DAB1: variants seen among roughly 807,000 people sequenced by gnomAD.
DAB1 encodes DAB adaptor protein 1, also known as disabled homolog 1.
In DAB1, 15 loss-of-function variants were observed where a neutral mutation model predicts 64.6. The ratio of observed to expected loss-of-function variants is 0.23; its 90% confidence interval spans 0.16 to 0.36. The LOEUF is 0.36. Ranked by LOEUF, DAB1 falls within the 10% of genes least tolerant of loss-of-function variation. The probability of loss-of-function intolerance (pLI) is 1.00; values close to 1 mark genes in which losing one functional copy is unlikely to be tolerated. For synonymous variants in DAB1, 235 were observed against 251.9 expected (o/e 0.93, Z 0.64); for missense variants, 596 against 706.7 (o/e 0.84, Z 1.78).
At chr1:58,510,033 C>A (rs904657753) in intron 2 of DAB1, among the ~76,000 whole-genome samples, 1 of 152,004 alleles carries the variant, frequency 6.6e-6, no homozygotes, top group Non-Finnish European at 1.5e-5. Flanking sequence ...ACCAGATGAC[C>A]TCACTGGTGA....
intron 5 of DAB1, among the ~76,000 whole-genome samples, chr1:58,044,345 T>C (rs368785550): frequency 1.1e-4 from 17 of 152,168 alleles, no homozygotes; most frequent in African/African-American, 3.9e-4. Context: ...TGGTACCACC[T>C]TTTTTCCCTA....
intron 7 of DAB1, among the ~76,000 whole-genome samples, chr1:57,460,195 G>A (rs147547208): frequency 6.6e-6 from 1 of 152,190 alleles, no homozygotes; most frequent in Non-Finnish European, 1.5e-5. Context: ...CTCATTCAGG[G>A]CACACAGTAT....
intron 7 of DAB1, among the ~76,000 whole-genome samples, chr1:57,527,459 G>A (rs1284501212): frequency 2.0e-5 from 3 of 152,162 alleles, no homozygotes; most frequent in Non-Finnish European, 4.4e-5. Context: ...AGCAACTGAA[G>A]TTTAGATAAG....
intron 3 of DAB1, among the ~76,000 whole-genome samples, chr1:58,460,923 A>T (rs980778540): frequency 1.3e-5 from 2 of 152,058 alleles, no homozygotes; most frequent in East Asian, 3.9e-4. Flanking sequence ...CACCCATGAC[A>T]CTCTCACTCC....
intron 6 of DAB1, among the ~76,000 whole-genome samples, chr1:57,685,651 A>C (rs576595965): frequency 6.6e-6 from 1 of 152,182 alleles, no homozygotes; most frequent in African/African-American, 2.4e-5. Context: ...ATTGACCACA[A>C]ACTTGGTCAT....
chr1:57,130,726 A>G (rs1657579544), intron 4 of DAB1, among the ~76,000 whole-genome samples: 1 of 144,388 alleles, frequency 6.9e-6, no homozygotes, highest in African/African-American at 2.5e-5. Flanking sequence ...AATGGTGGTT[A>G]TCAGAGGGAG....
At chr1:58,338,329 T>C (rs895808366) in intron 4 of DAB1, among the ~76,000 whole-genome samples, 3 of 151,958 alleles carry the variant, frequency 2.0e-5, no homozygotes, top group Non-Finnish European at 4.4e-5. Flanking sequence ...CACTTCCACC[T>C]CACTCTTCCT....
intron 5 of DAB1, among the ~76,000 whole-genome samples, chr1:58,097,412 T>C (rs546506237): frequency 1.3e-5 from 2 of 152,320 alleles, no homozygotes; most frequent in South Asian, 4.1e-4. Context: ...AATTTTAAGA[T>C]GATGGTTTAA....
intron 5 of DAB1, among the ~76,000 whole-genome samples, chr1:57,946,604 G>T (rs1645187296): frequency 6.6e-6 from 1 of 152,116 alleles, no homozygotes; most frequent in Non-Finnish European, 1.5e-5. Context: ...TAGAAAGAGG[G>T]GATGCGGTCT....
intron 3 of DAB1, among the ~76,000 whole-genome samples, chr1:58,421,176 C>A (rs954968141): frequency 6.6e-6 from 1 of 152,180 alleles, no homozygotes; most frequent in African/African-American, 2.4e-5. Flanking sequence ...TCTATTATCA[C>A]CATCATCGTA....
intron 2 of DAB1, among the ~76,000 whole-genome samples, chr1:57,221,358 G>A (rs1367199628): frequency 6.6e-6 from 1 of 151,504 alleles, no homozygotes; most frequent in African/African-American, 2.4e-5. Context: ...TAACAAACTT[G>A]CACGTTGTGC....
At chr1:57,273,680 T>C (rs890304479) in intron 2 of DAB1, among the ~76,000 whole-genome samples, 1 of 145,808 alleles carries the variant, frequency 6.9e-6, no homozygotes, top group Non-Finnish European at 1.5e-5. Context: ...ACATGCATTG[T>C]GGTCTGATGG....
At chr1:57,860,228 C>T (rs921425767) in intron 1 of DAB1, among the ~76,000 whole-genome samples, 2 of 152,154 alleles carry the variant, frequency 1.3e-5, no homozygotes, top group African/African-American at 4.8e-5. Context: ...TGAATGCCTA[C>T]TTAGTATGAA....
intron 7 of DAB1, among the ~76,000 whole-genome samples, chr1:57,625,298 C>T (rs72908597): frequency 0.019 from 2,947 of 152,084 alleles, 101 homozygotes; most frequent in African/African-American, 0.067. Context: ...TTTCTGTCTC[C>T]GTGCTGTGTC....
chr1:58,119,005 G>A (rs1337116835), intron 5 of DAB1, among the ~76,000 whole-genome samples: 25 of 152,082 alleles, frequency 1.6e-4, no homozygotes, highest in Non-Finnish European at 1.5e-5. Context: ...TCAAGCTCTT[G>A]ATAGTACCAT....
chr1:57,877,738 G>T (rs1359263499), intron 1 of DAB1, among the ~76,000 whole-genome samples: 2 of 78,174 alleles, frequency 2.6e-5, no homozygotes, highest in Admixed American at 1.5e-4. Flanking sequence ...TTTTTTTTTT[G>T]TATTTTTAGT....
At chr1:57,553,426 G>GAAAGAA (rs1644942504) in intron 7 of DAB1, among the ~76,000 whole-genome samples, 2 of 18,226 alleles carry the variant, frequency 1.1e-4, no homozygotes, top group Non-Finnish European at 2.7e-4. Flanking sequence ...AAGAAAGAAA[G>GAAAGAA]AAAGAAAGAA....
chr1:58,322,988 G>C (rs1266724482), intron 4 of DAB1, among the ~76,000 whole-genome samples: 3 of 151,628 alleles, frequency 2.0e-5, no homozygotes, highest in East Asian at 3.9e-4. Context: ...ACTATCGCAA[G>C]GACAGAAAAC....
intron 6 of DAB1, among the ~76,000 whole-genome samples, chr1:57,814,283 G>A (rs1651756416): frequency 1.3e-5 from 2 of 152,266 alleles, no homozygotes; most frequent in South Asian, 4.1e-4. Context: ...AGTCTATAAT[G>A]AATCCATCTG....
Sources: gnomAD v4.1 joint callset for allele counts (sites outside exome capture counted in the v4.1 genomes callset) on GRCh38, gnomAD v4.1.1 for gene constraint, MANE v1.5 for transcripts, NCBI Gene and HGNC (gene_info 2026-07-23, HGNC 2026-07-21) for gene names.